The following NIPAL3 variants were observed in gnomAD, a reference collection of about 807,000 sequenced individuals.
The protein encoded by NIPAL3 is NIPA like domain containing 3.
In NIPAL3, 41 loss-of-function variants were observed where a neutral mutation model predicts 47.2. The observed-to-expected ratio is 0.87, with a 90% CI of 0.68 to 1.13. The LOEUF (loss-of-function observed/expected upper bound fraction) is 1.13. NIPAL3 is among the 50% of genes most tolerant of loss of function. The pLI, the probability that NIPAL3 is intolerant of heterozygous loss-of-function variation, is 0.00. For synonymous variants in NIPAL3, 194 were observed against 209.6 expected (o/e 0.93, Z 0.64); for missense variants, 449 against 530.1 (o/e 0.85, Z 1.50).
chr1:24,430,235 CT>C (rs5773087), intron 2 of NIPAL3, among the ~76,000 whole-genome samples: 63,417 of 142,892 alleles, frequency 0.44, 14,927 homozygotes, highest in African/African-American at 0.67. Context: ...TCACTAAATT[CT>C]TTTTTTTTTT....
At chr1:24,455,955 G>C (rs1646178406) in intron 7 of NIPAL3, among the ~76,000 whole-genome samples, 183 bp from the exon 8 acceptor site, 1 of 152,140 alleles carries the variant, frequency 6.6e-6, no homozygotes, top group Admixed American at 6.6e-5. Context: ...GGAGTCCATG[G>C]GAGAGGTGCA....
chr1:24,459,063 T>A (rs1417274554), intron 9 of NIPAL3, 87 bp downstream of exon 9: 1 of 1,147,184 alleles, frequency 8.7e-7, no homozygotes, highest in Non-Finnish European at 1.3e-6. Context: ...TTCTGCTGAC[T>A]TGTTCTCCCC....
intron 6 of NIPAL3, among the ~76,000 whole-genome samples, chr1:24,450,167 T>C (rs1321219946): frequency 2.0e-5 from 3 of 152,154 alleles, no homozygotes; most frequent in Admixed American, 2.0e-4. Flanking sequence ...TTTAGAGGTG[T>C]GTATAGGTAT....
Position 24,458,978 on chromosome 1 carries a change from T to C in NIPAL3, c.862+2T>C, listed in dbSNP as rs1236384967. 5 of 1,613,156 alleles carry C rather than the reference T, an allele frequency of 3.1e-6. No homozygotes were observed. Among genetic ancestry groups the C allele is most frequent in the Non-Finnish European group, 4.2e-6 (5 of 1,179,172 alleles). ...CCACAACCATTGCTATCACAGCAGG[T>C]AAGGGTGACCCATTGCTAGATTTCT... On this transcript the variant is annotated splice_donor_variant, in intron 9 of 11. Transcript: ENST00000374399. LOFTEE classifies it high-confidence loss of function.
intron 8 of NIPAL3, among the ~76,000 whole-genome samples, chr1:24,456,599 AAAAAT>A (rs954356966): frequency 3.3e-5 from 5 of 152,278 alleles, no homozygotes; most frequent in African/African-American, 7.2e-5. Flanking sequence ...AAAAATACAA[AAAAAT>A]AAAATAAAAT....
intron 2 of NIPAL3, among the ~76,000 whole-genome samples, chr1:24,431,712 C>G (rs955121118): frequency 6.6e-6 from 1 of 152,066 alleles, no homozygotes; most frequent in Non-Finnish European, 1.5e-5. Context: ...AGGGGGTTGC[C>G]TTTAGTCAGT....
At chr1:24,422,070 G>T (rs944543301) in intron 2 of NIPAL3, 2 of 152,146 alleles carry the variant, frequency 1.3e-5, no homozygotes, top group Non-Finnish European at 2.9e-5. Context: ...GAATATGTAT[G>T]GAAATTATGA....
intron 4 of NIPAL3, 82 bp downstream of exon 4, chr1:24,442,308 C>A: frequency 6.7e-7 from 1 of 1,483,430 alleles, no homozygotes; most frequent in Non-Finnish European, 9.2e-7. Context: ...CAAAGGTGCC[C>A]ATTGAACAAA....
chr1:24,432,117 A>G (rs6692198), intron 2 of NIPAL3, among the ~76,000 whole-genome samples: 11,676 of 152,120 alleles, frequency 0.077, 1,482 homozygotes, highest in African/African-American at 0.26. Context: ...TCTTGTGCCC[A>G]TCTCTAATAG....
chr1:24,424,901 A>T (rs1395766506), intron 2 of NIPAL3, among the ~76,000 whole-genome samples: 1 of 152,076 alleles, frequency 6.6e-6, no homozygotes, highest in Non-Finnish European at 1.5e-5. Flanking sequence ...TACCTTTGGG[A>T]GGAGGAAAAT....
Position 24,461,308 on chromosome 1 carries a change from G to A in NIPAL3, c.926+764G>A, listed in dbSNP as rs1477341099. ...TGTAATCCCAGCACTTTGGAAGGCC[G>A]AGGCAGGTGGATTACCTGAGGTCGG... On this transcript the variant is annotated intron_variant, in intron 10 of 11. Transcript: ENST00000374399. Among the ~76,000 whole-genome samples, 8 of 152,222 alleles carry A rather than the reference G, an allele frequency of 5.3e-5. 1 individual carries two copies. Among genetic ancestry groups the A allele is most frequent in the Middle Eastern group, 3.4e-3 (1 of 294 alleles).
chr1:24,470,284 A>G lies in NIPAL3; in HGVS notation c.*1099A>G, dbSNP rs1298623528. The stretch of plus-strand genomic sequence containing the variant: ...GACTGTCTTCCCCTAGACTGATGGT[A>G]TACTTTTGAGAGGGGCGGATAAAGG... On this transcript the variant is annotated 3_prime_UTR_variant, in exon 12 of 12. Transcript: ENST00000374399. 6.6e-6 allele frequency: 1 copy of G among 152,182 alleles called. No individual in the cohort carries two copies. The highest frequency in any genetic ancestry group is 1.9e-4 in the East Asian group (1 of 5,184). The allele number at this position is 152,182 out of a possible 1,614,324, so 9.4% of individuals were successfully genotyped here. A position where few individuals can be genotyped will look rare whatever the true frequency, so the allele number is the denominator to read the frequency against.
At chr1:24,467,780 G>A (rs892329646) in intron 11 of NIPAL3, among the ~76,000 whole-genome samples, 2 of 151,648 alleles carry the variant, frequency 1.3e-5, no homozygotes, top group Admixed American at 6.6e-5. Flanking sequence ...TGTAATCCCA[G>A]CTACTTGGGT....
chr1:24,466,127 T>A (rs195725), intron 11 of NIPAL3: 968,373 of 1,587,888 alleles, frequency 0.61, 296,237 homozygotes, highest in East Asian at 0.7. Flanking sequence ...AAAAATGAGA[T>A]CGAGAAACAG....
rs749341031 is a variant in NIPAL3 at position 24,469,238 on chromosome 1, C to A, written c.*53C>A. 116 of 1,473,248 alleles carry A rather than the reference C, an allele frequency of 7.9e-5. 1 individual carries two copies. The Middle Eastern group carries it at 1.6e-3, about 20-fold the overall frequency. The allele number at this position is 1,473,248 out of a possible 1,614,324, so 91.3% of individuals were successfully genotyped here. On this transcript the variant is annotated 3_prime_UTR_variant, in exon 12 of 12. Transcript: ENST00000374399. ...CCCCTCCAGGCTGACAGTGGTTCAA[C>A]CCTGAATCCTAAAACTTGCCTTTCA...
At chr1:24,431,751 T>C (rs1456098236) in intron 2 of NIPAL3, among the ~76,000 whole-genome samples, 4 of 152,078 alleles carry the variant, frequency 2.6e-5, no homozygotes, top group African/African-American at 7.2e-5. Context: ...CCTGAGTCTT[T>C]TTCCCTTACA....
intron 2 of NIPAL3, among the ~76,000 whole-genome samples, chr1:24,422,590 G>A (rs556511691): frequency 5.5e-4 from 83 of 152,242 alleles, no homozygotes; most frequent in African/African-American, 1.7e-3. Flanking sequence ...AACCCAGAAC[G>A]TGCATTTTGT....
At chr1:24,459,078 A>G (rs964073028) in intron 9 of NIPAL3, 102 bp downstream of exon 9, 2 of 990,664 alleles carry the variant, frequency 2.0e-6, no homozygotes, top group Non-Finnish European at 3.1e-6. Flanking sequence ...CTCCCCGTAG[A>G]GTGATTTATG....
chr1:24,458,864 G>T, intron 8 of NIPAL3, 24 bp from the exon 9 acceptor site: 2 of 1,600,478 alleles, frequency 1.2e-6, no homozygotes, highest in South Asian at 2.2e-5. Context: ...ACAGCCCACT[G>T]ACTGGAGTGC....
Sources: allele counts gnomAD v4.1 joint callset (sites outside exome capture counted in the v4.1 genomes callset), GRCh38; gene constraint gnomAD v4.1.1; transcripts MANE v1.5; gene names NCBI Gene and HGNC (gene_info 2026-07-23, HGNC 2026-07-21).